TSC1: variants seen among roughly 807,000 people sequenced by gnomAD.
The protein encoded by TSC1 is TSC complex subunit 1.
Under a neutral mutation model 124.3 loss-of-function variants are expected in TSC1, and 20 were observed. The ratio of observed to expected loss-of-function variants is 0.16; its 90% CI spans 0.11 to 0.23. The LOEUF is 0.23. Among genes scored for constraint, TSC1 ranks in the 10% least tolerant of loss-of-function variants. The pLI, the probability that TSC1 is intolerant of heterozygous loss-of-function variation, is 1.00. For synonymous variants in TSC1, 493 were observed against 539.1 expected (o/e 0.91, Z 1.19); for missense variants, 1,124 against 1,448.5 (o/e 0.78, Z 3.64).
chr9:132,907,558 C>T (rs934966506), intron 12 of TSC1, among the ~76,000 whole-genome samples, 188 bp from the exon 13 acceptor site: 2 of 147,122 alleles, frequency 1.4e-5, no homozygotes, highest in African/African-American at 2.6e-5. Flanking sequence ...GGCACAATCT[C>T]GGCTCACTGC....
rs189210253 is a variant in TSC1, at chr9:132,932,550, A to G, written c.-81+2483T>C. 5.4e-3 allele frequency among the ~76,000 whole-genome samples: 817 copies of G among 152,290 alleles called. 3 individuals are homozygous for G. Among genetic ancestry groups the G allele is most frequent in the Non-Finnish European group, 8.3e-3 (562 of 68,018 alleles). ...GAATCTCACTCCTCTGTTTAAAATCATCCAATGGCTTCCCATGGAATTAAT... is the reference window on the plus strand; with the variant it reads ...GAATCTCACTCCTCTGTTTAAAATCGTCCAATGGCTTCCCATGGAATTAAT... On this transcript the variant is annotated intron_variant, in intron 2 of 22. Coordinates refer to ENST00000298552, the MANE Select transcript of TSC1 (RefSeq NM_000368.5).
chr9:132,934,695 G>C (rs1847366954), intron 2 of TSC1, among the ~76,000 whole-genome samples: 1 of 152,212 alleles, frequency 6.6e-6, no homozygotes, highest in East Asian at 1.9e-4. Flanking sequence ...ACCAAACTTT[G>C]CTGCTAAACA....
chr9:132,938,139 A>G (rs1182823041), intron 1 of TSC1, among the ~76,000 whole-genome samples: 3 of 152,238 alleles, frequency 2.0e-5, no homozygotes, highest in Non-Finnish European at 2.9e-5. Flanking sequence ...GCTACCTACT[A>G]TTCTACTCTT....
intron 10 of TSC1, 24 bp downstream of exon 10, chr9:132,911,429 C>T (rs2131971777): frequency 1.3e-6 from 2 of 1,544,962 alleles, no homozygotes; most frequent in South Asian, 2.2e-5. Context: ...GAGGAGAGAG[C>T]AGGCACACTA....
rs997993792 is a variant in TSC1 at position 132,891,395 on chromosome 9, A to G, written c.*4840T>C. ...TATTTGTTCACAGTTAAACACAAGC[A>G]ACTGCCTTGACATTTTAGAACATTC... On this transcript the variant is annotated 3_prime_UTR_variant, in exon 23 of 23. Coordinates refer to ENST00000298552, the MANE Select transcript of TSC1 (RefSeq NM_000368.5). The G allele has an allele frequency of 4.3e-5, 10 of 233,134 alleles. No individual in the cohort carries two copies. Among genetic ancestry groups the G allele is most frequent in the African/African-American group, 2.2e-4 (10 of 45,346 alleles). The allele number at this position is 233,134 out of a possible 1,614,324, so 14.4% of individuals were successfully genotyped here.
chr9:132,926,979 G>C (rs1397973427), intron 4 of TSC1: 1 of 525,320 alleles, frequency 1.9e-6, no homozygotes, highest in Non-Finnish European at 3.4e-6. Flanking sequence ...GCCCAAACAA[G>C]ATCTTTAACA....
At chr9:132,937,218 C>T (rs1005732341) in intron 1 of TSC1, among the ~76,000 whole-genome samples, 3 of 152,094 alleles carry the variant, frequency 2.0e-5, no homozygotes, top group East Asian at 1.9e-4. Flanking sequence ...CCAAGGTGGG[C>T]GGATCACCTG....
Position 132,895,934 on chromosome 9 carries a change from C to T in TSC1, c.*301G>A. Reference sequence around the variant, plus strand: ...ATTGCACAGGTTCAAAGGACGCAACCATTTGGGGGGGAAAGGAAGAAAGTA... The same window carrying T: ...ATTGCACAGGTTCAAAGGACGCAACTATTTGGGGGGGAAAGGAAGAAAGTA... On this transcript the variant is annotated 3_prime_UTR_variant, in exon 23 of 23. Transcript: ENST00000298552. The T allele has an allele frequency of 2.2e-6, 1 of 452,344 alleles. No homozygotes were observed. The highest frequency in any genetic ancestry group is 4.1e-6 in the Non-Finnish European group (1 of 246,750). The allele number at this position is 452,344 out of a possible 1,614,324, so 28.0% of individuals were successfully genotyped here. A position where few individuals can be genotyped will look rare whatever the true frequency, so the allele number is the denominator to read the frequency against.
intron 1 of TSC1, chr9:132,942,005 T>A (rs1847763093): frequency 6.6e-6 from 1 of 152,224 alleles, no homozygotes; most frequent in Admixed American, 6.5e-5. Context: ...ATTGCTATAT[T>A]TGGCTCATCG....
At chr9:132,907,250 T>C (rs1588313718) in intron 13 of TSC1, 51 bp downstream of exon 13, 2 of 1,481,172 alleles carry the variant, frequency 1.4e-6, no homozygotes, top group Non-Finnish European at 1.9e-6. Context: ...TAAACACATA[T>C]AACCCAATTA....
chr9:132,900,558 GA>G, intron 20 of TSC1, 156 bp downstream of exon 20: 1 of 1,236,010 alleles, frequency 8.1e-7, no homozygotes, highest in Non-Finnish European at 1.2e-6. Flanking sequence ...ATGGTGGCTG[GA>G]AAGTGCTTGT....
rs766615779 is a variant in TSC1, at chr9:132,940,235, T to C, written c.-144+4308A>G. On this transcript the variant is annotated intron_variant, in intron 1 of 22. Transcript: ENST00000298552. ...TCTGACTTGGGCCTTTCCTGACTAC[T>C]AGTTAAAAAAAAAAAAAAGTTTTTT... 7.7e-4 allele frequency among the ~76,000 whole-genome samples: 115 copies of C among 150,108 alleles called. 2 individuals are homozygous for C. In the Middle Eastern group the frequency reaches 0.014, roughly 18 times the overall value.
intron 1 of TSC1, among the ~76,000 whole-genome samples, chr9:132,937,647 C>T (rs1450376801): frequency 6.6e-6 from 1 of 152,136 alleles, no homozygotes; most frequent in East Asian, 1.9e-4. Context: ...CCAGCCACAA[C>T]CCATCCTACA....
chr9:132,936,043 G>C (rs147379778), intron 1 of TSC1, among the ~76,000 whole-genome samples: 172 of 152,312 alleles, frequency 1.1e-3, no homozygotes, highest in African/African-American at 3.9e-3. Context: ...ACTCAGTACT[G>C]TATTTCAAGC....
chr9:132,911,335 A>G (rs748489455), intron 10 of TSC1, 118 bp downstream of exon 10: 15 of 889,970 alleles, frequency 1.7e-5, no homozygotes, highest in Non-Finnish European at 2.9e-5. Flanking sequence ...TGGATCCTTA[A>G]AAGTGACTCC....
At chr9:132,934,945 C>T (rs913293865) in intron 2 of TSC1, 88 bp downstream of exon 2, 6 of 398,458 alleles carry the variant, frequency 1.5e-5, no homozygotes, top group African/African-American at 1.2e-4. Flanking sequence ...GTAGCTAAAA[C>T]TGTAAATGTT....
chr9:132,932,153 T>C (rs1276836003), intron 2 of TSC1, among the ~76,000 whole-genome samples: 1 of 152,226 alleles, frequency 6.6e-6, no homozygotes, highest in Non-Finnish European at 1.5e-5. Flanking sequence ...AGTTTAATAT[T>C]ATCTTTAGTG....
chr9:132,908,527 A>C (rs906048030), intron 12 of TSC1, among the ~76,000 whole-genome samples: 4 of 152,098 alleles, frequency 2.6e-5, no homozygotes, highest in Admixed American at 6.5e-5. Context: ...ATCATGGCTC[A>C]CTGCAATCTC....
In TSC1 at chr9:132,911,089, C is replaced by T. The variant is rs796053447; in HGVS notation, c.1054G>A (p.Val352Ile). The change falls in exon 11 of 23, where the codon GTT becomes ATT. Residue 352 changes from valine (V) to isoleucine (I), a missense_variant. Around this residue, in one of 5 missense-constraint regions of TSC1, gnomAD observed 463 missense variants for 606.8 expected, o/e 0.76. Transcript: ENST00000298552. ...GTTGGAGGAGTGGTCATACCACAAACCATAGATGGGCTCCAAAGAGTAGCC... is the reference window on the plus strand; with the variant it reads ...GTTGGAGGAGTGGTCATACCACAAATCATAGATGGGCTCCAAAGAGTAGCC... ...PQATLWSPSM[V>I]CGMTTPPTSP... 5 of 1,614,106 alleles carry T rather than the reference C, an allele frequency of 3.1e-6. No individual in the cohort carries two copies. Among genetic ancestry groups the T allele is most frequent in the Non-Finnish European group, 4.2e-6 (5 of 1,180,000 alleles).
Sources: allele counts gnomAD v4.1 joint callset (sites outside exome capture counted in the v4.1 genomes callset), GRCh38; gene constraint gnomAD v4.1.1; regional missense constraint gnomAD v4.1.1; transcripts MANE v1.5; gene names NCBI Gene and HGNC (gene_info 2026-07-23, HGNC 2026-07-21).